MAF: variants seen among roughly 807,000 people sequenced by gnomAD.
The protein encoded by MAF is transcription factor Maf.
MAF carries 10 observed loss-of-function variants against 22.0 expected under a neutral mutation model. The ratio of observed to expected loss-of-function variants is 0.45; its 90% CI spans 0.28 to 0.77. The LOEUF (loss-of-function observed/expected upper bound fraction) is 0.77, where lower values mean the gene tolerates loss of function less well. MAF is among the 30% of genes least tolerant of loss of function. The pLI is 0.12. For missense variants in MAF, 544 were observed against 548.4 expected (o/e 0.99, Z 0.08); for synonymous variants, 337 against 255.8 (o/e 1.32, Z -3.03).
At chr16:79,542,527 T>C in the MAF span, among the ~76,000 whole-genome samples, 4 of 152,132 alleles carry the variant, frequency 2.6e-5, no homozygotes, top group African/African-American at 9.7e-5. Flanking sequence ...TCTGAGGCCC[T>C]TGGATAACAA....
chr16:79,594,645 T>G (rs1215626549), intron 1 of MAF, 92 bp from the exon 2 acceptor site: 4 of 1,530,558 alleles, frequency 2.6e-6, no homozygotes, highest in Non-Finnish European at 3.5e-6. Flanking sequence ...TATGATTTTT[T>G]TTTTTTTAAA....
chr16:79,330,242 T>G, the MAF span, among the ~76,000 whole-genome samples: 2 of 152,220 alleles, frequency 1.3e-5, no homozygotes, highest in Non-Finnish European at 2.9e-5. Flanking sequence ...AAGCATAATT[T>G]GACGCTAGTG....
chr16:79,561,092 C>T, the MAF span, among the ~76,000 whole-genome samples: 1 of 152,118 alleles, frequency 6.6e-6, no homozygotes, highest in Non-Finnish European at 1.5e-5. Flanking sequence ...TTAACTGGCT[C>T]TCTGACATAT....
chr16:79,463,665 C>G, the MAF span, among the ~76,000 whole-genome samples: 1 of 152,180 alleles, frequency 6.6e-6, no homozygotes, highest in Non-Finnish European at 1.5e-5. Flanking sequence ...GCAGGTGAGC[C>G]CATTTGACAC....
the MAF span, among the ~76,000 whole-genome samples, chr16:79,508,448 C>G: frequency 6.6e-6 from 1 of 151,914 alleles, no homozygotes; most frequent in Non-Finnish European, 1.5e-5. Flanking sequence ...CTAGCCTTGC[C>G]CCTTCATGCC....
At chr16:79,501,113 T>C in the MAF span, among the ~76,000 whole-genome samples, 2 of 152,128 alleles carry the variant, frequency 1.3e-5, no homozygotes, top group Admixed American at 6.5e-5. Context: ...AATCAAGGTG[T>C]CACCACACTC....
chr16:79,390,567 A>T, the MAF span, among the ~76,000 whole-genome samples: 1 of 152,222 alleles, frequency 6.6e-6, no homozygotes, highest in Non-Finnish European at 1.5e-5. Flanking sequence ...ATCAAGGAAC[A>T]GACTGCTCTG....
the MAF span, among the ~76,000 whole-genome samples, chr16:79,549,756 T>C: frequency 6.6e-6 from 1 of 152,182 alleles, no homozygotes; most frequent in Non-Finnish European, 1.5e-5. Flanking sequence ...CTCCTAGCAG[T>C]CCTGATTTCT....
chr16:79,562,740 G>A, the MAF span, among the ~76,000 whole-genome samples: 3 of 152,086 alleles, frequency 2.0e-5, no homozygotes, highest in Non-Finnish European at 2.9e-5. Context: ...GTTGTCCAGG[G>A]CTCCAACTCA....
the MAF span, among the ~76,000 whole-genome samples, chr16:79,529,389 A>G: frequency 4.0e-3 from 609 of 152,322 alleles, 5 homozygotes; most frequent in African/African-American, 0.014. Flanking sequence ...AAACAAACAG[A>G]AAAATTAAAG....
At chr16:79,557,727 C>T in the MAF span, among the ~76,000 whole-genome samples, 3 of 151,996 alleles carry the variant, frequency 2.0e-5, no homozygotes, top group Non-Finnish European at 4.4e-5. Flanking sequence ...AGTTCATGTG[C>T]AATTTTTCAT....
the MAF span, among the ~76,000 whole-genome samples, chr16:79,311,288 G>C: frequency 2.0e-5 from 3 of 152,082 alleles, no homozygotes; most frequent in South Asian, 2.1e-4. Flanking sequence ...AAACCAGCTT[G>C]AGTTTGCACC....
At chr16:79,357,935 G>A in the MAF span, among the ~76,000 whole-genome samples, 1 of 152,208 alleles carries the variant, frequency 6.6e-6, no homozygotes, top group Non-Finnish European at 1.5e-5. Context: ...GGCTGGGACT[G>A]CCAGCAAGAC....
chr16:79,598,464 A>AAC, intron 1 of MAF: 1 of 1,294,740 alleles, frequency 7.7e-7, no homozygotes, highest in Non-Finnish European at 9.9e-7. Context: ...GTAAAAAAAA[A>AAC]AAAAAAACAA....
the MAF span, among the ~76,000 whole-genome samples, chr16:79,246,545 G>T: frequency 7.2e-6 from 1 of 138,294 alleles, no homozygotes; most frequent in East Asian, 2.2e-4. Context: ...TTTTTTGGGG[G>T]GGGTGTGGGG....
At chr16:79,456,692 G>T in the MAF span, among the ~76,000 whole-genome samples, 1 of 152,118 alleles carries the variant, frequency 6.6e-6, no homozygotes, top group Non-Finnish European at 1.5e-5. Flanking sequence ...TCTGCAACAT[G>T]ACCTGAGTGT....
chr16:79,544,688 G>T, the MAF span, among the ~76,000 whole-genome samples: 1 of 150,514 alleles, frequency 6.6e-6, no homozygotes. Flanking sequence ...CAGGAGAATG[G>T]CGTGAACCCA....
At chr16:79,551,618 T>C in the MAF span, among the ~76,000 whole-genome samples, 1 of 152,330 alleles carries the variant, frequency 6.6e-6, no homozygotes, top group Admixed American at 6.5e-5. Flanking sequence ...TAGGGACCAC[T>C]TGGGTCAAAT....
At chr16:79,310,560 G>A in the MAF span, among the ~76,000 whole-genome samples, 1 of 152,164 alleles carries the variant, frequency 6.6e-6, no homozygotes, top group Admixed American at 6.5e-5. Context: ...CAAAGAGGTG[G>A]CTCATCTCAC....
Sources: allele counts gnomAD v4.1 joint callset (sites outside exome capture counted in the v4.1 genomes callset), GRCh38; gene constraint gnomAD v4.1.1; transcripts MANE v1.5; gene names NCBI Gene and HGNC (gene_info 2026-07-23, HGNC 2026-07-21).